Variants in CNGA3 observed in about 807,000 individuals in gnomAD.
The protein encoded by CNGA3 is cyclic nucleotide-gated channel alpha-3.
CNGA3 carries 42 observed loss-of-function variants against 46.6 expected under a neutral mutation model. The ratio of observed to expected loss-of-function variants is 0.90; its 90% confidence interval spans 0.70 to 1.17. The LOEUF (loss-of-function observed/expected upper bound fraction) is 1.17, where lower values mean the gene tolerates loss of function less well. CNGA3 is among the 50% of genes most tolerant of loss of function. The pLI is 0.00. For missense variants in CNGA3, 893 were observed against 890.7 expected (o/e 1.00, Z -0.03); for synonymous variants, 394 against 369.4 (o/e 1.07, Z -0.76).
At chr2:98,356,204 T>C (rs921418854) in intron 1 of CNGA3, among the ~76,000 whole-genome samples, 1 of 152,202 alleles carries the variant, frequency 6.6e-6, no homozygotes, top group African/African-American at 2.4e-5. Flanking sequence ...AGTTCTTGAC[T>C]TATCTTTGGA....
At chr2:98,348,784 G>A (rs1169398625) in intron 1 of CNGA3, among the ~76,000 whole-genome samples, 1 of 152,204 alleles carries the variant, frequency 6.6e-6, no homozygotes, top group Non-Finnish European at 1.5e-5. Flanking sequence ...ATTTTAAACA[G>A]ACACAGTCCC....
Position 98,396,103 on chromosome 2 carries a change from C to T in CNGA3, c.933C>T (p.Leu311=). ...FRIGNLVLYI[L]IIIHWNACIY... is the part of the protein sequence containing the mutation. The stretch of plus-strand genomic sequence containing the variant: ...TTGGGAACTTGGTCTTGTACATTCT[C>T]ATCATCATCCACTGGAATGCCTGCA... Residue 311 remains leucine, a synonymous_variant, in exon 8 of 8, where the codon CTC becomes CTT. Coordinates refer to ENST00000272602, the MANE Select transcript of CNGA3 (RefSeq NM_001298.3). 6.2e-7 allele frequency: 1 copy of T among 1,614,214 alleles called. No individual in the cohort carries two copies. Among genetic ancestry groups the T allele is most frequent in the Non-Finnish European group, 8.5e-7 (1 of 1,180,032 alleles).
At chr2:98,375,657 GA>G (rs1183043663) in intron 2 of CNGA3, among the ~76,000 whole-genome samples, 1 of 152,206 alleles carries the variant, frequency 6.6e-6, no homozygotes, top group Non-Finnish European at 1.5e-5. Flanking sequence ...CAGGTGGTTT[GA>G]AAATAAAGAG....
intron 7 of CNGA3, 104 bp downstream of exon 7, chr2:98,392,074 GC>G: frequency 9.7e-7 from 1 of 1,032,102 alleles, no homozygotes; most frequent in Non-Finnish European, 1.5e-6. Flanking sequence ...ACCATGAGAG[GC>G]CAGGCAGGTC....
At chr2:98,389,393 A>G (rs958770581) in intron 5 of CNGA3, among the ~76,000 whole-genome samples, 3 of 152,184 alleles carry the variant, frequency 2.0e-5, no homozygotes, top group Admixed American at 6.5e-5. Context: ...TCGTGGGCAC[A>G]TGGGAATGTC....
chr2:98,396,169 C>T lies in CNGA3; in HGVS notation c.999C>T (p.Asp333=), dbSNP rs540320851. The T allele has an allele frequency of 1.2e-6, 2 of 1,614,220 alleles. No homozygotes were observed. Among genetic ancestry groups the T allele is most frequent in the African/African-American group, 1.3e-5 (1 of 75,060 alleles). The change falls in exon 8 of 8, where the codon GAC becomes GAT. Residue 333 remains aspartate, a synonymous_variant. Transcript: ENST00000272602. ...CCAAGTTCATTGGTTTTGGGACAGACTCCTGGGTCTACCCAAACATCTCAA... is the reference window on the plus strand; with the variant it reads ...CCAAGTTCATTGGTTTTGGGACAGATTCCTGGGTCTACCCAAACATCTCAA... The part of the protein sequence containing the change: ...AISKFIGFGT[D]SWVYPNISIP...
At chr2:98,362,907 G>A (rs1692065323) in intron 1 of CNGA3, among the ~76,000 whole-genome samples, 1 of 152,132 alleles carries the variant, frequency 6.6e-6, no homozygotes, top group Non-Finnish European at 1.5e-5. Flanking sequence ...ATTAAATAGG[G>A]AATCCTTTCC....
At chr2:98,378,375 A>T (rs1692461140) in intron 3 of CNGA3, among the ~76,000 whole-genome samples, 1 of 152,226 alleles carries the variant, frequency 6.6e-6, no homozygotes, top group Non-Finnish European at 1.5e-5. Flanking sequence ...TGCATCTAAC[A>T]GTGCCTACCC....
At chr2:98,391,218 G>A (rs1692779522) in intron 6 of CNGA3, among the ~76,000 whole-genome samples, 1 of 152,134 alleles carries the variant, frequency 6.6e-6, no homozygotes, top group Non-Finnish European at 1.5e-5. Flanking sequence ...GAAGAACTTG[G>A]AGCCTGTCCC....
rs759892314 is a variant in CNGA3, at chr2:98,370,084, G to A, written c.101+8G>A. 1 of 1,585,380 alleles carries A rather than the reference G, an allele frequency of 6.3e-7. No homozygotes were observed. The highest frequency in any genetic ancestry group is 1.1e-5 in the South Asian group (1 of 90,004). On this transcript the variant is annotated splice_region_variant and intron_variant, in intron 2 of 7. Transcript: ENST00000272602. ...TGAAAATGGCCTCAGCAGGTAAGAT[G>A]GGCTAAGATGGGCTTTTCATTTTAT...
chr2:98,373,817 G>A (rs767414447), intron 2 of CNGA3, among the ~76,000 whole-genome samples: 54 of 152,188 alleles, frequency 3.5e-4, no homozygotes, highest in South Asian at 6.2e-4. Context: ...ATCTCCTGGC[G>A]TAGCAATTTT....
chr2:98,360,873 C>A (rs1426549689), intron 1 of CNGA3, among the ~76,000 whole-genome samples: 6 of 152,048 alleles, frequency 3.9e-5, no homozygotes, highest in African/African-American at 1.2e-4. Context: ...ACCTCAGAGA[C>A]TCTCATGTTA....
chr2:98,395,302 T>G (rs1033225001), intron 7 of CNGA3, among the ~76,000 whole-genome samples: 5 of 152,094 alleles, frequency 3.3e-5, no homozygotes, highest in Admixed American at 3.3e-4. Context: ...CCTGAGTAGC[T>G]GGGATTACAG....
At chr2:98,352,779 C>T (rs1691794951) in intron 1 of CNGA3, among the ~76,000 whole-genome samples, 1 of 152,134 alleles carries the variant, frequency 6.6e-6, no homozygotes, top group Non-Finnish European at 1.5e-5. Context: ...TCATCAGTTT[C>T]CTGCCCTCTA....
intron 5 of CNGA3, among the ~76,000 whole-genome samples, chr2:98,388,374 C>T (rs1425070553): frequency 6.6e-6 from 1 of 152,192 alleles, no homozygotes; most frequent in African/African-American, 2.4e-5. Flanking sequence ...GTGCCATGGT[C>T]CCAGCAGGCC....
At chr2:98,376,252 C>G (rs1273128358) in intron 2 of CNGA3, among the ~76,000 whole-genome samples, 1 of 152,164 alleles carries the variant, frequency 6.6e-6, no homozygotes, top group Non-Finnish European at 1.5e-5. Context: ...GCAATAAAGT[C>G]TTCCCAGAGT....
chr2:98,384,774 T>G (rs1466689005), intron 5 of CNGA3, among the ~76,000 whole-genome samples: 1 of 152,124 alleles, frequency 6.6e-6, no homozygotes, highest in Admixed American at 6.5e-5. Flanking sequence ...GTCCTGGGGC[T>G]GGGGTGTGGG....
At chr2:98,366,572 G>T (rs1260111894) in intron 1 of CNGA3, among the ~76,000 whole-genome samples, 1 of 152,208 alleles carries the variant, frequency 6.6e-6, no homozygotes, top group African/African-American at 2.4e-5. Flanking sequence ...GGGACATCCA[G>T]CCCCTGGCTG....
chr2:98,375,874 T>C (rs1210424243), intron 2 of CNGA3, among the ~76,000 whole-genome samples: 1 of 152,200 alleles, frequency 6.6e-6, no homozygotes, highest in African/African-American at 2.4e-5. Flanking sequence ...CTATGGGATC[T>C]CGGTGAAGTT....
Sources: allele counts gnomAD v4.1 joint callset (sites outside exome capture counted in the v4.1 genomes callset), GRCh38; gene constraint gnomAD v4.1.1; transcripts MANE v1.5; gene names NCBI Gene and HGNC (gene_info 2026-07-23, HGNC 2026-07-21).